The following SPEF2 variants were observed in gnomAD, a reference collection of about 807,000 sequenced individuals.
The protein encoded by SPEF2 is sperm flagella and cilia-associated protein 2.
A neutral mutation model predicts 224.6 loss-of-function variants in SPEF2; 187 were observed. The observed-to-expected ratio is 0.83, with a 90% CI of 0.74 to 0.94. SPEF2 has a LOEUF of 0.94. Among genes scored for constraint, SPEF2 ranks in the 40% least tolerant of loss-of-function variants. SPEF2 has a pLI of 0.00. For synonymous variants in SPEF2, 715 were observed against 707.3 expected (o/e 1.01, Z -0.17); for missense variants, 2,170 against 2,135.6 (o/e 1.02, Z -0.32).
At chr5:35,717,975 G>A (rs1742918646) in intron 20 of SPEF2, among the ~76,000 whole-genome samples, 1 of 152,216 alleles carries the variant, frequency 6.6e-6, no homozygotes, top group Non-Finnish European at 1.5e-5. Flanking sequence ...CCCAGTAGAA[G>A]GGGCCATTGT....
intron 28 of SPEF2, among the ~76,000 whole-genome samples, chr5:35,775,467 G>A (rs574826174): frequency 2.6e-4 from 40 of 152,220 alleles, no homozygotes; most frequent in African/African-American, 9.1e-4. Flanking sequence ...GAGTAGCTTA[G>A]GACCATGAGG....
chr5:35,805,855 T>C (rs1341164136), intron 34 of SPEF2, among the ~76,000 whole-genome samples: 1 of 152,136 alleles, frequency 6.6e-6, no homozygotes, highest in Non-Finnish European at 1.5e-5. Flanking sequence ...ATGAGTGTTT[T>C]CTTGTGTTAT....
At chr5:35,794,163 A>G (rs560679990) in intron 32 of SPEF2, among the ~76,000 whole-genome samples, 15 of 152,238 alleles carry the variant, frequency 9.9e-5, no homozygotes, top group Admixed American at 2.0e-4. Context: ...AGTCTGAGTA[A>G]GACAAGAGTA....
chr5:35,759,459 T>C, intron 24 of SPEF2, 109 bp from the exon 25 acceptor site: 1 of 986,118 alleles, frequency 1.0e-6, no homozygotes, highest in Non-Finnish European at 1.4e-6. Context: ...CAGAAAATTA[T>C]TTTCAATCTA....
At chr5:35,798,743 G>A (rs1458712425) in intron 33 of SPEF2, among the ~76,000 whole-genome samples, 1 of 151,980 alleles carries the variant, frequency 6.6e-6, no homozygotes, top group Non-Finnish European at 1.5e-5. Flanking sequence ...ACAGGCGCCC[G>A]CCACCAGACC....
In SPEF2 at chr5:35,659,208, G is replaced by A; in HGVS notation, c.1167+1G>A. On this transcript the variant is annotated splice_donor_variant, in intron 8 of 36. Coordinates refer to ENST00000356031, the MANE Select transcript of SPEF2 (RefSeq NM_024867.4). LOFTEE classifies it high-confidence loss of function. ...CCAGGATGCTCTTGATCGAGAAGCG[G>A]TAAATACCATCTTCCTTAGAAATCT... The A allele has an allele frequency of 1.3e-6, 2 of 1,594,754 alleles. No individual in the cohort carries two copies. The highest frequency in any genetic ancestry group is 1.7e-6 in the Non-Finnish European group (2 of 1,168,212).
intron 19 of SPEF2, among the ~76,000 whole-genome samples, chr5:35,712,235 T>C (rs1430804824): frequency 7.1e-6 from 1 of 140,188 alleles, no homozygotes; most frequent in African/African-American, 2.8e-5. Context: ...GCCATTATTT[T>C]TATTTTATTT....
chr5:35,685,099 T>C (rs1262561213), intron 10 of SPEF2, among the ~76,000 whole-genome samples: 5 of 152,156 alleles, frequency 3.3e-5, no homozygotes, highest in African/African-American at 1.2e-4. Flanking sequence ...TATTATTATG[T>C]ACAGAGCTCC....
chr5:35,648,634 G>A (rs1747745274), intron 5 of SPEF2, among the ~76,000 whole-genome samples: 1 of 152,008 alleles, frequency 6.6e-6, no homozygotes, highest in African/African-American at 2.4e-5. Flanking sequence ...CCTGATTAAA[G>A]TTTTTTAAAA....
chr5:35,621,717 C>G (rs1012308469), intron 1 of SPEF2, among the ~76,000 whole-genome samples: 1 of 152,092 alleles, frequency 6.6e-6, no homozygotes, highest in African/African-American at 2.4e-5. Context: ...CTTGTTGGGA[C>G]AAAGAAACAG....
At position 35,751,118 on chromosome 5, in the gene SPEF2, T is replaced by A. The variant is rs531747694; in HGVS notation, c.3331-2506T>A. ...ACACATATATATATATATATATATA[T>A]GATGGAATGCTACTCAGCCATAAAA... On this transcript the variant is annotated intron_variant, in intron 23 of 36. Coordinates refer to ENST00000356031, the MANE Select transcript of SPEF2 (RefSeq NM_024867.4). 3.4e-5 allele frequency among the ~76,000 whole-genome samples: 3 copies of A among 87,892 alleles called. 1 individual carries two copies. The highest frequency in any genetic ancestry group is 1.3e-4 in the African/African-American group (3 of 23,966). 57.7% of individuals were successfully genotyped at this position (87,892 alleles called of 152,430 possible). A position where few individuals can be genotyped will look rare whatever the true frequency, so the allele number is the denominator to read the frequency against.
At chr5:35,708,565 T>C (rs79793165) in intron 18 of SPEF2, among the ~76,000 whole-genome samples, 7 of 848 alleles carry the variant, frequency 8.3e-3, no homozygotes, top group African/African-American at 0.017. Flanking sequence ...CCATCACCAC[T>C]ACCACACCAC....
At chr5:35,640,177 A>G (rs1746413946) in intron 2 of SPEF2, among the ~76,000 whole-genome samples, 1 of 152,130 alleles carries the variant, frequency 6.6e-6, no homozygotes, top group Non-Finnish European at 1.5e-5. Context: ...GTGCAGGGCT[A>G]AGCTTTGACA....
intron 7 of SPEF2, among the ~76,000 whole-genome samples, 156 bp downstream of exon 7, chr5:35,654,882 G>T (rs1381763849): frequency 6.6e-6 from 1 of 151,760 alleles, no homozygotes; most frequent in Non-Finnish European, 1.5e-5. Context: ...ATACTAGGAA[G>T]AAAAGTAGCT....
chr5:35,802,080 G>A (rs1374676816), intron 34 of SPEF2, among the ~76,000 whole-genome samples: 1 of 152,008 alleles, frequency 6.6e-6, no homozygotes, highest in Non-Finnish European at 1.5e-5. Flanking sequence ...CAAACAGGGG[G>A]GAGCATGGAA....
chr5:35,630,013 A>G (rs1744857629), intron 2 of SPEF2, among the ~76,000 whole-genome samples: 1 of 152,172 alleles, frequency 6.6e-6, no homozygotes, highest in Non-Finnish European at 1.5e-5. Flanking sequence ...CTCTACAGAT[A>G]TCAAAACCCA....
At chr5:35,679,703 C>T (rs548332368) in intron 10 of SPEF2, among the ~76,000 whole-genome samples, 110 of 152,338 alleles carry the variant, frequency 7.2e-4, no homozygotes, top group African/African-American at 2.5e-3. Flanking sequence ...CTCTTCCCCA[C>T]TCCAGGACTC....
intron 23 of SPEF2, among the ~76,000 whole-genome samples, chr5:35,747,420 CAACT>C (rs1227035849): frequency 3.3e-5 from 5 of 152,184 alleles, no homozygotes; most frequent in East Asian, 1.9e-4. Flanking sequence ...ACTCACCAAC[CAACT>C]ATCTGCTGCT....
chr5:35,736,057 A>G (rs2149679753), intron 21 of SPEF2, among the ~76,000 whole-genome samples: 1 of 152,356 alleles, frequency 6.6e-6, no homozygotes, highest in South Asian at 2.1e-4. Context: ...GAATTAAAAG[A>G]TAAAATTAAA....
Sources: allele counts gnomAD v4.1 joint callset (sites outside exome capture counted in the v4.1 genomes callset), GRCh38; gene constraint gnomAD v4.1.1; transcripts MANE v1.5; gene names NCBI Gene and HGNC (gene_info 2026-07-23, HGNC 2026-07-21).